Variants in BLVRB observed in about 807,000 individuals in gnomAD.
BLVRB encodes the protein biliverdin reductase B, also known as flavin reductase (NADPH).
In BLVRB, 25 loss-of-function variants were observed where a neutral mutation model predicts 21.1. That is an observed-to-expected ratio of 1.19 (90% CI 0.86 to 1.66). The LOEUF (loss-of-function observed/expected upper bound fraction) is 1.66. Among genes scored for constraint, BLVRB ranks in the 40% most tolerant of loss-of-function variants. BLVRB has a pLI of 0.00. For synonymous variants in BLVRB, 128 were observed against 122.2 expected (o/e 1.05, Z -0.31); for missense variants, 274 against 282.7 (o/e 0.97, Z 0.22).
At chr19:40,451,594 G>A (rs1307960618) in intron 3 of BLVRB, 102 bp from the exon 4 acceptor site, 7 of 1,378,428 alleles carry the variant, frequency 5.1e-6, no homozygotes, top group South Asian at 3.0e-5. Context: ...GTGCAGTGGC[G>A]CAATCTCGGC....
rs191658743 is a variant in BLVRB at position 40,451,841 on chromosome 19, G to A, written c.335-349C>T. 1.1e-4 allele frequency among the ~76,000 whole-genome samples: 17 copies of A among 152,228 alleles called. No individual in the cohort carries two copies. In the East Asian group the frequency reaches 2.7e-3, roughly 24 times the overall value. On this transcript the variant is annotated intron_variant, in intron 3 of 4. Transcript: ENST00000263368. ...AGCCATTGTGCCCAGCCAAGGGCTC[G>A]CTTGTCTTGATGCCAGGACAAAACC...
In BLVRB at chr19:40,458,181, A is replaced by G. The variant is rs202228301; in HGVS notation, c.308T>C (p.Val103Ala). Reference protein sequence around the residue: ...NIVAAMKAHGVDKVVACTSAF... With the variant: ...NIVAAMKAHGADKVVACTSAF... ...CGAGGTGCAGGCCACGACCTTGTCC[A>G]CACCATGAGCCTTCATGGCTGCCAC... Residue 103 changes from valine to alanine, a missense_variant, in exon 3 of 5, where the codon GTG (valine) becomes GCG (alanine). Transcript: ENST00000263368. 27 of 1,614,042 alleles carry G rather than the reference A, an allele frequency of 1.7e-5. No individual in the cohort carries two copies. Among genetic ancestry groups the G allele is most frequent in the Non-Finnish European group, 2.3e-5 (27 of 1,179,972 alleles).
In BLVRB at chr19:40,451,566, C is replaced by A. The variant is rs866773079; in HGVS notation, c.335-74G>T. The A allele has an allele frequency of 4.2e-6, 6 of 1,437,506 alleles. No homozygotes were observed. The Admixed American group carries it at 1.1e-4, about 26-fold the overall frequency. The allele number at this position is 1,437,506 out of a possible 1,614,324, so 89.0% of individuals were successfully genotyped here. On this transcript the variant is annotated intron_variant, in intron 3 of 4. Coordinates refer to ENST00000263368, the MANE Select transcript of BLVRB (RefSeq NM_000713.3). The stretch of plus-strand genomic sequence containing the variant: ...TTTTTTTTTTTGAGACAGAGTGTCG[C>A]TTTGTCACCCAGGCTGAGTGCAGTG...
intron 1 of BLVRB, among the ~76,000 whole-genome samples, chr19:40,460,682 G>GTTA (rs2079783395): frequency 6.6e-6 from 1 of 151,892 alleles, no homozygotes; most frequent in African/African-American, 2.4e-5. Context: ...AGAAATAAGA[G>GTTA]TTACCTGGTG....
At chr19:40,450,739 A>G (rs73048117) in intron 4 of BLVRB, among the ~76,000 whole-genome samples, 24,825 of 146,944 alleles carry the variant, frequency 0.17, 2,142 homozygotes, top group African/African-American at 0.2. Context: ...AGATAAGTCT[A>G]TGTTGCCCAG....
chr19:40,461,707 A>AGCCAG (rs569796929), intron 1 of BLVRB, among the ~76,000 whole-genome samples: 1 of 151,826 alleles, frequency 6.6e-6, no homozygotes, highest in East Asian at 1.9e-4. Context: ...TCACGATGTT[A>AGCCAG]GCCAGGCTGG....
chr19:40,463,992 C>A (rs2079799663), intron 1 of BLVRB, among the ~76,000 whole-genome samples: 1 of 152,132 alleles, frequency 6.6e-6, no homozygotes, highest in African/African-American at 2.4e-5. Flanking sequence ...TGGTCTCGAA[C>A]TCCTGACCTC....
chr19:40,463,844 C>T (rs941578435), intron 1 of BLVRB, among the ~76,000 whole-genome samples: 1 of 151,074 alleles, frequency 6.6e-6, no homozygotes, highest in Admixed American at 6.6e-5. Context: ...CTCGGCTCAC[C>T]ACAACCTCTG....
intron 3 of BLVRB, among the ~76,000 whole-genome samples, chr19:40,454,537 C>T (rs1317515749): frequency 8.0e-6 from 1 of 124,548 alleles, no homozygotes; most frequent in Non-Finnish European, 1.6e-5. Context: ...CTCTAACTTA[C>T]CCCTAGTTTC....
At position 40,458,501 on chromosome 19, in the gene BLVRB, A is replaced by G. The variant is rs2079772769; in HGVS notation, c.124T>C (p.Ser42Pro). 6.2e-7 allele frequency: 1 copy of G among 1,611,604 alleles called. No individual in the cohort carries two copies. Among genetic ancestry groups the G allele is most frequent in the South Asian group, 1.1e-5 (1 of 90,460 alleles). ...ACGTGGGCCGGCCGGGGCCCCTCTG[A>G]TGGCAGCCTGGAGGAGTCCCGCACC... ...VLVRDSSRLP[S>P]EGPRPAHVVV... The change falls in exon 2 of 5, where the codon TCA becomes CCA. Residue 42 changes from serine to proline, a missense_variant. Physicochemically the swap from Ser to Pro is moderately conservative, Grantham distance 74. Coordinates refer to ENST00000263368, the MANE Select transcript of BLVRB (RefSeq NM_000713.3).
chr19:40,465,542 C>T (rs368553288), intron 1 of BLVRB, 68 bp downstream of exon 1: 1 of 1,544,926 alleles, frequency 6.5e-7, no homozygotes, highest in Non-Finnish European at 8.7e-7. Flanking sequence ...CGGCCCGACC[C>T]CATGGTGCCC....
intron 1 of BLVRB, among the ~76,000 whole-genome samples, chr19:40,461,600 A>G (rs2079787994): frequency 6.6e-6 from 1 of 151,664 alleles, no homozygotes; most frequent in South Asian, 2.1e-4. Context: ...CATGGGTTCA[A>G]GCGATTCTCC....
At chr19:40,451,724 G>A (rs925395352) in intron 3 of BLVRB, among the ~76,000 whole-genome samples, 1 of 152,058 alleles carries the variant, frequency 6.6e-6, no homozygotes, top group Non-Finnish European at 1.5e-5. Context: ...GTACAGACAG[G>A]GTTTTGCCAT....
rs766670702 is a variant in BLVRB at position 40,458,211 on chromosome 19, T to A, written c.278A>T (p.Asn93Ile). 9 of 1,613,714 alleles carry A rather than the reference T, an allele frequency of 5.6e-6. No homozygotes were observed. The highest frequency in any genetic ancestry group is 6.8e-6 in the Non-Finnish European group (8 of 1,179,916). Residue 93 changes from asparagine (N) to isoleucine (I), a missense_variant, in exon 3 of 5, where the codon AAC becomes ATC. Coordinates refer to ENST00000263368, the MANE Select transcript of BLVRB (RefSeq NM_000713.3). ...ATGAGCCTTCATGGCTGCCACAATG[T>A]TCCGGGCGCCCTCGGACATCACTGT... ...PTTVMSEGARNIVAAMKAHGV... is the reference protein window; with the variant it reads ...PTTVMSEGARIIVAAMKAHGV...
In BLVRB at chr19:40,458,260, G is replaced by A; in HGVS notation, c.245-16C>T. 6.2e-7 allele frequency: 1 copy of A among 1,606,328 alleles called. No homozygotes were observed. The highest frequency in any genetic ancestry group is 8.5e-7 in the Non-Finnish European group (1 of 1,175,076). The stretch of plus-strand genomic sequence containing the variant: ...GTCGTGGGACCTTAGAGGGGACAGA[G>A]AGTGGCTGTCACTGGTGGGCGGCGG... On this transcript the variant is annotated splice_polypyrimidine_tract_variant and intron_variant, in intron 2 of 4. Coordinates refer to ENST00000263368, the MANE Select transcript of BLVRB (RefSeq NM_000713.3).
At chr19:40,458,122 G>T (rs2079769564) in intron 3 of BLVRB, 33 bp downstream of exon 3, 1 of 1,603,796 alleles carries the variant, frequency 6.2e-7, no homozygotes, top group Non-Finnish European at 8.5e-7. Context: ...GTACCCCCCA[G>T]TTCAGCCCCA....
chr19:40,459,250 C>T (rs2079775745), intron 1 of BLVRB, among the ~76,000 whole-genome samples: 1 of 136,378 alleles, frequency 7.3e-6, no homozygotes, highest in African/African-American at 2.8e-5. Flanking sequence ...AATCACTTGA[C>T]CCGACAGGCG....
chr19:40,457,123 T>C (rs895458132), intron 3 of BLVRB, among the ~76,000 whole-genome samples: 3 of 142,118 alleles, frequency 2.1e-5, no homozygotes, highest in Non-Finnish European at 3.0e-5. Context: ...CAGTGAGCCA[T>C]GGTTGCACCA....
Position 40,465,364 on chromosome 19 carries a change from A to G in BLVRB, c.79+246T>C, listed in dbSNP as rs192632875. Among the ~76,000 whole-genome samples, 114 of 152,298 alleles carry G rather than the reference A, an allele frequency of 7.5e-4. 1 individual carries two copies. Among genetic ancestry groups the G allele is most frequent in the Middle Eastern group, 3.4e-3 (1 of 294 alleles). ...CATAAGAGCCCTGGACTTACACACG[A>G]CTGTGCCAGTGGAGTCCTCCCGGGG... On this transcript the variant is annotated intron_variant, in intron 1 of 4. Coordinates refer to ENST00000263368, the MANE Select transcript of BLVRB (RefSeq NM_000713.3).
Sources: allele counts gnomAD v4.1 joint callset (sites outside exome capture counted in the v4.1 genomes callset), GRCh38; gene constraint gnomAD v4.1.1; transcripts MANE v1.5; gene names NCBI Gene and HGNC (gene_info 2026-07-23, HGNC 2026-07-21).